Variants in NUGGC observed in about 807,000 individuals in gnomAD.
NUGGC encodes nuclear GTPase, germinal center associated.
NUGGC carries 58 observed loss-of-function variants against 92.6 expected under a neutral mutation model. That is an observed-to-expected ratio of 0.63 (90% confidence interval 0.51 to 0.78). The LOEUF is 0.78. Among genes scored for constraint, NUGGC ranks in the 30% least tolerant of loss-of-function variants. The probability of loss-of-function intolerance (pLI) is 0.00; values close to 1 mark genes in which losing one functional copy is unlikely to be tolerated. For synonymous variants in NUGGC, 376 were observed against 366.4 expected (o/e 1.03, Z -0.30); for missense variants, 925 against 964.6 (o/e 0.96, Z 0.54).
intron 11 of NUGGC, among the ~76,000 whole-genome samples, chr8:28,045,971 G>A (rs542981488): frequency 1.3e-5 from 2 of 152,270 alleles, no homozygotes; most frequent in East Asian, 1.9e-4. Flanking sequence ...CACCTGCAGA[G>A]GTAAACCAAA....
At chr8:28,074,230 G>A in intron 2 of NUGGC, 138 bp downstream of exon 2, 1 of 661,890 alleles carries the variant, frequency 1.5e-6, no homozygotes, top group Non-Finnish European at 2.8e-6. Context: ...ATTTAAACTT[G>A]TCACGAGAAA....
At chr8:28,043,723 T>C (rs568625173) in intron 12 of NUGGC, among the ~76,000 whole-genome samples, 1 of 152,332 alleles carries the variant, frequency 6.6e-6, no homozygotes, top group Non-Finnish European at 1.5e-5. Flanking sequence ...TGCCTTGTCC[T>C]AATGTTTGTA....
chr8:28,031,117 C>T, intron 15 of NUGGC, 126 bp downstream of exon 15: 1 of 1,096,648 alleles, frequency 9.1e-7, no homozygotes, highest in South Asian at 1.4e-5. Context: ...ACAGCGCCTC[C>T]TAGGAGGTAC....
intron 1 of NUGGC, among the ~76,000 whole-genome samples, chr8:28,075,051 C>T (rs532307064): frequency 7.9e-5 from 12 of 152,160 alleles, no homozygotes; most frequent in Non-Finnish European, 1.6e-4. Context: ...TATATAGCTT[C>T]GCTGCTTTGG....
intron 17 of NUGGC, among the ~76,000 whole-genome samples, chr8:28,028,328 T>C (rs941940523): frequency 6.6e-6 from 1 of 152,242 alleles, no homozygotes; most frequent in African/African-American, 2.4e-5. Context: ...CTGCTGCTAG[T>C]GAACAAGATG....
intron 13 of NUGGC, among the ~76,000 whole-genome samples, 158 bp from the exon 14 acceptor site, chr8:28,033,855 C>T (rs1203281635): frequency 1.3e-5 from 2 of 152,194 alleles, no homozygotes; most frequent in East Asian, 1.9e-4. Flanking sequence ...AGAGGGAGGA[C>T]AGTGGTCACG....
chr8:28,057,330 C>CTTT (rs57167648), intron 9 of NUGGC, among the ~76,000 whole-genome samples: 1,331 of 123,668 alleles, frequency 0.011, 16 homozygotes, highest in African/African-American at 0.028. Context: ...ATTTTCTTTC[C>CTTT]TTTTTTTTTT....
At chr8:28,044,936 T>C (rs137933321) in intron 12 of NUGGC, among the ~76,000 whole-genome samples, 1 of 152,300 alleles carries the variant, frequency 6.6e-6, no homozygotes, top group African/African-American at 2.4e-5. Context: ...TATTTTAGGG[T>C]TAAAAAGAAA....
chr8:28,064,402 A>G, intron 7 of NUGGC, 120 bp downstream of exon 7: 1 of 870,316 alleles, frequency 1.1e-6, no homozygotes, highest in Non-Finnish European at 1.8e-6. Flanking sequence ...ATAGAAATTA[A>G]AAGAATTTAA....
chr8:28,054,479 C>T (rs1810083225), intron 10 of NUGGC, among the ~76,000 whole-genome samples: 1 of 150,856 alleles, frequency 6.6e-6, no homozygotes, highest in African/African-American at 2.5e-5. Flanking sequence ...GCAACTCTGT[C>T]TCAAAATAAA....
intron 1 of NUGGC, among the ~76,000 whole-genome samples, 198 bp from the exon 2 acceptor site, chr8:28,074,654 T>C (rs1442610580): frequency 6.6e-6 from 1 of 152,136 alleles, no homozygotes; most frequent in Non-Finnish European, 1.5e-5. Context: ...CCAATAATAC[T>C]TAGGCCAGGC....
intron 1 of NUGGC, among the ~76,000 whole-genome samples, chr8:28,079,689 A>T (rs1246809088): frequency 6.6e-6 from 1 of 152,192 alleles, no homozygotes; most frequent in African/African-American, 2.4e-5. Context: ...TTTTCATCAC[A>T]TTCAGCAGCC....
In NUGGC at chr8:28,060,430, G is replaced by C. The variant is rs766609297; in HGVS notation, c.1093C>G (p.Leu365Val). The change falls in exon 8 of 19, where the codon CTA becomes GTA. Residue 365 changes from leucine to valine, a missense_variant. Transcript: ENST00000413272. ...KMDKLHLPEY[L>V]RERKAGNQAI... Reference sequence around the variant, plus strand: ...CTTGCAAGCCCAGCACAATACCTTAGGTATTCTGGCAAGTGGAGTTTGTCC... The same window carrying C: ...CTTGCAAGCCCAGCACAATACCTTACGTATTCTGGCAAGTGGAGTTTGTCC... 1 of 1,613,552 alleles carries C rather than the reference G, an allele frequency of 6.2e-7. No homozygotes were observed. Among genetic ancestry groups the C allele is most frequent in the Non-Finnish European group, 8.5e-7 (1 of 1,179,672 alleles).
intron 8 of NUGGC, among the ~76,000 whole-genome samples, chr8:28,059,864 T>C (rs1430765659): frequency 1.3e-5 from 2 of 151,798 alleles, no homozygotes; most frequent in African/African-American, 4.8e-5. Context: ...TCTACTAAAA[T>C]ACAAAAATTA....
At chr8:28,066,191 A>C (rs1049052248) in intron 6 of NUGGC, among the ~76,000 whole-genome samples, 9 of 152,346 alleles carry the variant, frequency 5.9e-5, no homozygotes, top group African/African-American at 2.2e-4. Context: ...CTAGTTTTGT[A>C]ATCATTGTGT....
At chr8:28,031,918 A>G (rs112389008) in intron 14 of NUGGC, among the ~76,000 whole-genome samples, 4 of 152,192 alleles carry the variant, frequency 2.6e-5, no homozygotes, top group African/African-American at 9.6e-5. Context: ...GTTGGGTGCC[A>G]TTGGGAAAGA....
chr8:28,066,855 G>C (rs1181056404), intron 6 of NUGGC, among the ~76,000 whole-genome samples: 1 of 152,182 alleles, frequency 6.6e-6, no homozygotes, highest in African/African-American at 2.4e-5. Flanking sequence ...ACTGGTCTAA[G>C]CAAATCATGA....
intron 18 of NUGGC, among the ~76,000 whole-genome samples, chr8:28,025,930 C>T (rs769652349): frequency 2.0e-5 from 3 of 152,184 alleles, no homozygotes; most frequent in Non-Finnish European, 2.9e-5. Flanking sequence ...TTAGAGGCAA[C>T]GAGTACTGCC....
chr8:28,068,058 G>C (rs189056194), intron 5 of NUGGC, among the ~76,000 whole-genome samples, 158 bp downstream of exon 5: 1 of 150,774 alleles, frequency 6.6e-6, no homozygotes, highest in Admixed American at 6.6e-5. Context: ...AGGAAAGAAA[G>C]AAAAGGAAGA....
Sources: gnomAD v4.1 joint callset for allele counts (sites outside exome capture counted in the v4.1 genomes callset) on GRCh38, gnomAD v4.1.1 for gene constraint, MANE v1.5 for transcripts, NCBI Gene and HGNC (gene_info 2026-07-23, HGNC 2026-07-21) for gene names.